The following SIPA1L1 variants were observed in gnomAD, a reference collection of about 807,000 sequenced individuals.
The protein encoded by SIPA1L1 is signal induced proliferation associated 1 like 1.
SIPA1L1 carries 26 observed loss-of-function variants against 162.7 expected under a neutral mutation model. The observed-to-expected ratio is 0.16, with a 90% CI of 0.12 to 0.22. The LOEUF is 0.22. Ranked by LOEUF, SIPA1L1 falls within the 10% of genes least tolerant of loss-of-function variation. The probability of loss-of-function intolerance (pLI) is 1.00; values close to 1 mark genes in which losing one functional copy is unlikely to be tolerated. For missense variants in SIPA1L1, 1,874 were observed against 2,241.0 expected (o/e 0.84, Z 3.31); for synonymous variants, 829 against 837.4 (o/e 0.99, Z 0.17).
chr14:71,673,337 A>AT (rs2044731253), intron 12 of SIPA1L1, among the ~76,000 whole-genome samples: 2 of 152,220 alleles, frequency 1.3e-5, no homozygotes, highest in Non-Finnish European at 1.5e-5. Context: ...GGACATGCAC[A>AT]TGCTATTTTT....
intron 2 of SIPA1L1, among the ~76,000 whole-genome samples, chr14:71,434,408 A>AT (rs1462406683): frequency 3.3e-5 from 5 of 152,346 alleles, no homozygotes; most frequent in African/African-American, 1.2e-4. Flanking sequence ...AAAAAGCTAA[A>AT]TTTTATGTTT....
At chr14:71,697,566 T>C (rs1470795843) in intron 13 of SIPA1L1, among the ~76,000 whole-genome samples, 1 of 152,154 alleles carries the variant, frequency 6.6e-6, no homozygotes, top group Non-Finnish European at 1.5e-5. Context: ...GGATAAAATG[T>C]GTTAGTCTTG....
chr14:71,380,724 G>A (rs2039823512), intron 2 of SIPA1L1, among the ~76,000 whole-genome samples: 1 of 152,162 alleles, frequency 6.6e-6, no homozygotes, highest in Non-Finnish European at 1.5e-5. Context: ...ATGATTCCAA[G>A]TAGAGTAGGG....
At chr14:71,614,650 C>T (rs1010234565) in intron 5 of SIPA1L1, among the ~76,000 whole-genome samples, 1 of 152,080 alleles carries the variant, frequency 6.6e-6, no homozygotes, top group Non-Finnish European at 1.5e-5. Context: ...GTTATCTAAC[C>T]AGAGATGAGT....
intron 8 of SIPA1L1, 98 bp downstream of exon 8, chr14:71,650,607 G>A (rs908819699): frequency 9.9e-6 from 11 of 1,106,972 alleles, no homozygotes; most frequent in African/African-American, 7.7e-5. Context: ...GCCATTTATC[G>A]CAGAACACTG....
intron 2 of SIPA1L1, among the ~76,000 whole-genome samples, chr14:71,402,038 G>A (rs1488599073): frequency 6.6e-6 from 1 of 152,048 alleles, no homozygotes; most frequent in Admixed American, 6.6e-5. Flanking sequence ...TGTATCAAGC[G>A]ACTTAGGGTG....
At chr14:71,621,555 C>T (rs985893480) in intron 6 of SIPA1L1, among the ~76,000 whole-genome samples, 16 of 152,208 alleles carry the variant, frequency 1.1e-4, no homozygotes, top group African/African-American at 2.7e-4. Context: ...CTTCCTTGAC[C>T]GCTGAATCTA....
At chr14:71,667,552 C>T (rs1264898700) in intron 10 of SIPA1L1, among the ~76,000 whole-genome samples, 1 of 152,190 alleles carries the variant, frequency 6.6e-6, no homozygotes, top group East Asian at 1.9e-4. Flanking sequence ...TTGATCTTTC[C>T]TGTCCTTTGC....
In SIPA1L1 at chr14:71,624,207, G is replaced by C; in HGVS notation, c.1789G>C (p.Glu597Gln). 6.2e-7 allele frequency: 1 copy of C among 1,613,462 alleles called. No homozygotes were observed. The highest frequency in any genetic ancestry group is 1.1e-5 in the South Asian group (1 of 91,024). ...GGCCTTCAACACACCCAAGGTCACA[G>C]AGCAGCTCATGAAACTGGATGAACA... ...RLAFNTPKVT[E>Q]QLMKLDEQGL... The change falls in exon 7 of 24, where the codon GAG becomes CAG. Residue 597 changes from glutamate to glutamine, a missense_variant. This residue lies in a region of SIPA1L1 where 685 missense variants were observed against 828.0 expected (regional missense o/e 0.83). Coordinates refer to ENST00000381232, the MANE Select transcript of SIPA1L1 (RefSeq NM_001386936.1).
chr14:71,349,429 A>G (rs970924601), intron 2 of SIPA1L1, among the ~76,000 whole-genome samples: 10 of 152,164 alleles, frequency 6.6e-5, no homozygotes, highest in Non-Finnish European at 1.0e-4. Context: ...GGCCCCCTCC[A>G]GTTTCCTTCA....
chr14:71,361,066 C>T (rs1023336939), intron 2 of SIPA1L1, among the ~76,000 whole-genome samples: 2 of 151,956 alleles, frequency 1.3e-5, no homozygotes, highest in Non-Finnish European at 2.9e-5. Flanking sequence ...AGAAAGACAG[C>T]AAACCTCACT....
chr14:71,336,378 G>A (rs537363941), intron 2 of SIPA1L1, among the ~76,000 whole-genome samples: 46 of 152,020 alleles, frequency 3.0e-4, no homozygotes, highest in Admixed American at 2.2e-3. Flanking sequence ...CCTCCTCTCC[G>A]ACCCTAGCCC....
At chr14:71,616,982 A>G (rs1004543951) in intron 5 of SIPA1L1, among the ~76,000 whole-genome samples, 2 of 152,188 alleles carry the variant, frequency 1.3e-5, no homozygotes, top group African/African-American at 2.4e-5. Flanking sequence ...ATTAGAGTCC[A>G]TGAAGTACGA....
chr14:71,709,883 A>G (rs1005101950), intron 17 of SIPA1L1, among the ~76,000 whole-genome samples: 3 of 152,218 alleles, frequency 2.0e-5, no homozygotes, highest in African/African-American at 7.2e-5. Context: ...TTGCAGATTT[A>G]TTCTTTTTAA....
chr14:71,701,242 T>A (rs550758828), intron 14 of SIPA1L1, among the ~76,000 whole-genome samples: 1 of 152,134 alleles, frequency 6.6e-6, no homozygotes, highest in African/African-American at 2.4e-5. Context: ...TGTGCACCAC[T>A]TCCTGGTTTT....
At chr14:71,604,077 A>G (rs1398786489) in intron 5 of SIPA1L1, among the ~76,000 whole-genome samples, 1 of 147,802 alleles carries the variant, frequency 6.8e-6, no homozygotes, top group Non-Finnish European at 1.5e-5. Flanking sequence ...GCTAACTGCA[A>G]CCTCTTGCCT....
At chr14:71,613,569 T>G (rs2038469559) in intron 5 of SIPA1L1, among the ~76,000 whole-genome samples, 2 of 152,138 alleles carry the variant, frequency 1.3e-5, no homozygotes, top group African/African-American at 2.4e-5. Flanking sequence ...CTACTTGAGT[T>G]TCCAATTCCT....
intron 2 of SIPA1L1, among the ~76,000 whole-genome samples, chr14:71,396,952 AT>A (rs1247886577): frequency 4.6e-5 from 7 of 152,194 alleles, no homozygotes; most frequent in Non-Finnish European, 1.0e-4. Flanking sequence ...TTTTTGACAA[AT>A]TTAAATTATT....
In SIPA1L1 at chr14:71,567,425, T is replaced by C. The variant is rs1459107974; in HGVS notation, c.-302-20146T>C. 2.6e-5 allele frequency among the ~76,000 whole-genome samples: 4 copies of C among 152,194 alleles called. No individual in the cohort carries two copies. The East Asian group carries it at 7.7e-4, about 29-fold the overall frequency. On this transcript the variant is annotated intron_variant, in intron 4 of 23. Transcript: ENST00000381232. ...GCCGTTTATAAAGGATCTATAACTT[T>C]TTGTAGCAACGTGGAGAAATCTTGA...
Sources: gnomAD v4.1 joint callset for allele counts (sites outside exome capture counted in the v4.1 genomes callset) on GRCh38, gnomAD v4.1.1 for gene constraint, gnomAD v4.1.1 regional missense constraint, MANE v1.5 for transcripts, NCBI Gene and HGNC (gene_info 2026-07-23, HGNC 2026-07-21) for gene names.